The following ITSN2 variants were observed in gnomAD, a reference collection of about 807,000 sequenced individuals.
ITSN2 encodes the protein intersectin 2, also known as intersectin-2.
In ITSN2, 156 loss-of-function variants were observed where a neutral mutation model predicts 243.7. That is an observed-to-expected ratio of 0.64 (90% confidence interval 0.56 to 0.73). The LOEUF is 0.73. ITSN2 is among the 30% of genes least tolerant of loss of function. ITSN2 has a pLI of 0.00. For missense variants in ITSN2, 1,801 were observed against 1,996.1 expected, an observed-to-expected ratio of 0.90 and a Z score of 1.86; for synonymous variants, 703 against 699.9, an observed-to-expected ratio of 1.00 and a Z score of -0.07.
chr2:24,242,251 G>C lies in ITSN2; in HGVS notation c.3577+3878C>G, dbSNP rs796294312. 5.9e-5 allele frequency: 9 copies of C among 152,604 alleles called. 1 individual carries two copies. Among genetic ancestry groups the C allele is most frequent in the African/African-American group, 2.2e-4 (9 of 41,530 alleles). The allele number at this position is 152,604 out of a possible 1,614,324, so 9.5% of individuals were successfully genotyped here. On this transcript the variant is annotated intron_variant, in intron 29 of 39. Transcript: ENST00000355123. ...AATAAAATGAACATAATGCAAATTA[G>C]GTGGGTGAGATAAAATTTGACTAGT...
intron 29 of ITSN2, among the ~76,000 whole-genome samples, chr2:24,230,849 A>G (rs138624321): frequency 1.3e-5 from 2 of 152,302 alleles, no homozygotes; most frequent in East Asian, 1.9e-4. Flanking sequence ...AAGTTTATAA[A>G]TAGCCCACAA....
chr2:24,324,712 T>C (rs1290204982), intron 2 of ITSN2, among the ~76,000 whole-genome samples: 1 of 151,416 alleles, frequency 6.6e-6, no homozygotes, highest in Non-Finnish European at 1.5e-5. Flanking sequence ...AAGTAGCTGG[T>C]CTTGGTGGCA....
intron 8 of ITSN2, 136 bp from the exon 9 acceptor site, chr2:24,303,998 G>C (rs185494001): frequency 3.0e-5 from 20 of 656,912 alleles, no homozygotes; most frequent in Non-Finnish European, 4.7e-5. Flanking sequence ...TTTTTACCAC[G>C]TGCTAGGTGC....
At chr2:24,349,155 A>G (rs1428474234) in intron 1 of ITSN2, among the ~76,000 whole-genome samples, 2 of 152,184 alleles carry the variant, frequency 1.3e-5, no homozygotes, top group Non-Finnish European at 2.9e-5. Flanking sequence ...TCAATATGCA[A>G]TGAGAATTTT....
chr2:24,304,309 A>G (rs1043897964), intron 8 of ITSN2, among the ~76,000 whole-genome samples: 20 of 152,186 alleles, frequency 1.3e-4, no homozygotes, highest in African/African-American at 4.8e-4. Flanking sequence ...CTCTTACACA[A>G]GAGATTACAT....
intron 17 of ITSN2, among the ~76,000 whole-genome samples, chr2:24,284,360 C>T (rs1044447755): frequency 7.2e-5 from 11 of 152,158 alleles, no homozygotes; most frequent in African/African-American, 2.4e-4. Context: ...CATAAACTTG[C>T]CCTAGATTTC....
rs1476329849 is a variant in ITSN2 at position 24,251,543 on chromosome 2, G to A, written c.3120+802C>T. ...TGTGTATATATATGTGTATATATAT[G>A]TGTATATATATGTGTATATATATGT... On this transcript the variant is annotated intron_variant, in intron 25 of 39. Transcript: ENST00000355123. Among the ~76,000 whole-genome samples, 2 of 7,696 alleles carry A rather than the reference G, an allele frequency of 2.6e-4. 1 individual carries two copies. The highest frequency in any genetic ancestry group is 9.7e-4 in the African/African-American group (2 of 2,060). The allele number at this position is 7,696 out of a possible 152,430, so 5.0% of individuals were successfully genotyped here.
chr2:24,359,663 T>C (rs960069167), intron 1 of ITSN2, among the ~76,000 whole-genome samples: 1 of 152,034 alleles, frequency 6.6e-6, no homozygotes, highest in Non-Finnish European at 1.5e-5. Flanking sequence ...CAAATAAACT[T>C]TATCTGGCCT....
At chr2:24,310,439 A>G in intron 6 of ITSN2, 50 bp downstream of exon 6, 1 of 1,607,556 alleles carries the variant, frequency 6.2e-7, no homozygotes, top group Non-Finnish European at 8.5e-7. Flanking sequence ...AAACACAAAT[A>G]GTTTCTTTCT....
At chr2:24,301,736 C>T (rs72793212) in intron 10 of ITSN2, among the ~76,000 whole-genome samples, 4 of 151,842 alleles carry the variant, frequency 2.6e-5, no homozygotes, top group African/African-American at 9.7e-5. Context: ...ATGTTGTCCA[C>T]GCTGGTCCTG....
chr2:24,295,696 T>C lies in ITSN2; in HGVS notation c.1603A>G (p.Met535Val). The change falls in exon 14 of 40, where the codon ATG (methionine) becomes GTG (valine). Residue 535 changes from methionine (M) to valine (V), a missense_variant. Met to Val is a conservative substitution (Grantham distance 21, BLOSUM62 1). This residue lies in a region of ITSN2 where 787 missense variants were observed against 803.9 expected (regional missense o/e 0.98). Transcript: ENST00000355123. ...VLDKQCDLEI[M>V]EIKQLQQELQ... ...TCCTGTTGAAGTTGCTTGATTTCCA[T>C]AATTTCCAAGTCACACTGCTTATCC... 6.5e-7 allele frequency: 1 copy of C among 1,547,676 alleles called. No individual in the cohort carries two copies. The highest frequency in any genetic ancestry group is 8.6e-7 in the Non-Finnish European group (1 of 1,157,624).
chr2:24,279,607 G>A (rs925494612), intron 17 of ITSN2, among the ~76,000 whole-genome samples: 3 of 152,088 alleles, frequency 2.0e-5, no homozygotes, highest in Non-Finnish European at 2.9e-5. Flanking sequence ...AAATTTGGAG[G>A]GTAAATGACA....
At chr2:24,357,946 ACT>A (rs1688600865) in intron 1 of ITSN2, among the ~76,000 whole-genome samples, 1 of 151,992 alleles carries the variant, frequency 6.6e-6, no homozygotes, top group Non-Finnish European at 1.5e-5. Context: ...ACGGAGTCTC[ACT>A]CTGTCGCCTA....
intron 1 of ITSN2, among the ~76,000 whole-genome samples, chr2:24,341,641 G>A (rs1305406456): frequency 1.3e-5 from 2 of 152,194 alleles, no homozygotes; most frequent in Admixed American, 1.3e-4. Context: ...CACTTTGGGA[G>A]GCTGAGGCAG....
intron 29 of ITSN2, chr2:24,241,788 T>C (rs1476418201): frequency 2.0e-5 from 3 of 152,588 alleles, no homozygotes; most frequent in East Asian, 1.9e-4. Flanking sequence ...TGTAAATGAA[T>C]ACACATGTTG....
intron 1 of ITSN2, among the ~76,000 whole-genome samples, chr2:24,332,278 G>A (rs1249315156): frequency 1.3e-5 from 2 of 151,996 alleles, no homozygotes; most frequent in African/African-American, 2.4e-5. Context: ...CTCAATGATT[G>A]TCTGCCCATG....
intron 9 of ITSN2, among the ~76,000 whole-genome samples, chr2:24,302,600 G>C (rs774242034): frequency 1.3e-5 from 2 of 152,164 alleles, no homozygotes; most frequent in East Asian, 3.8e-4. Flanking sequence ...ACTATTGAAT[G>C]TAAGTATGTA....
intron 15 of ITSN2, among the ~76,000 whole-genome samples, chr2:24,287,051 A>G (rs1679596038): frequency 6.6e-6 from 1 of 152,202 alleles, no homozygotes; most frequent in Non-Finnish European, 1.5e-5. Context: ...AAAATGAAAC[A>G]TACAGAGTAA....
chr2:24,353,243 C>T (rs1326057396), intron 1 of ITSN2, among the ~76,000 whole-genome samples: 1 of 152,038 alleles, frequency 6.6e-6, no homozygotes, highest in Non-Finnish European at 1.5e-5. Context: ...AATAAATAAT[C>T]TACGAAAGAA....
Sources: allele counts gnomAD v4.1 joint callset (sites outside exome capture counted in the v4.1 genomes callset), GRCh38; gene constraint gnomAD v4.1.1; regional missense constraint gnomAD v4.1.1; transcripts MANE v1.5; gene names NCBI Gene and HGNC (gene_info 2026-07-23, HGNC 2026-07-21).